EIPR1: variants seen among roughly 807,000 people sequenced by gnomAD.
The protein encoded by EIPR1 is EARP complex and GARP complex interacting protein 1, also known as EARP and GARP complex-interacting protein 1.
EIPR1 carries 25 observed loss-of-function variants against 48.1 expected under a neutral mutation model. That is an observed-to-expected ratio of 0.52 (90% confidence interval 0.38 to 0.73). The LOEUF is 0.73. Ranked by LOEUF, EIPR1 falls within the 30% of genes least tolerant of loss-of-function variation. EIPR1 has a pLI of 0.00. For missense variants in EIPR1, 415 were observed against 506.2 expected (o/e 0.82, Z 1.73); for synonymous variants, 204 against 201.9 (o/e 1.01, Z -0.09).
chr2:3,323,037 G>A (rs1387466604), intron 3 of EIPR1, among the ~76,000 whole-genome samples: 1 of 151,982 alleles, frequency 6.6e-6, no homozygotes. Flanking sequence ...CATAACCTCT[G>A]GCTCTTTCCG....
At chr2:3,259,832 G>A (rs569668750) in intron 3 of EIPR1, among the ~76,000 whole-genome samples, 1 of 152,156 alleles carries the variant, frequency 6.6e-6, no homozygotes, top group Non-Finnish European at 1.5e-5. Context: ...GAGAAAGGAT[G>A]GTCTTTTCAA....
At chr2:3,366,318 A>G (rs1670973546) in intron 1 of EIPR1, among the ~76,000 whole-genome samples, 1 of 152,214 alleles carries the variant, frequency 6.6e-6, no homozygotes, top group Admixed American at 6.5e-5. Context: ...AAGAAAAAAG[A>G]AAAGAAAAGT....
intron 3 of EIPR1, among the ~76,000 whole-genome samples, chr2:3,314,665 C>T (rs958673890): frequency 6.6e-6 from 1 of 151,916 alleles, no homozygotes; most frequent in African/African-American, 2.4e-5. Context: ...CCTCCCAATC[C>T]CCCTGGGACC....
intron 4 of EIPR1, among the ~76,000 whole-genome samples, chr2:3,225,708 C>A (rs563478490): frequency 2.4e-4 from 36 of 152,274 alleles, no homozygotes; most frequent in Admixed American, 2.2e-3. Flanking sequence ...CTATTATTAA[C>A]TACAGTTCTC....
intron 3 of EIPR1, among the ~76,000 whole-genome samples, chr2:3,303,429 C>T (rs893220014): frequency 6.6e-6 from 1 of 152,176 alleles, no homozygotes; most frequent in Non-Finnish European, 1.5e-5. Context: ...GTGCCAGGGA[C>T]CGACCACCAC....
intron 3 of EIPR1, among the ~76,000 whole-genome samples, chr2:3,291,390 T>C (rs1285809680): frequency 6.6e-6 from 1 of 152,214 alleles, no homozygotes; most frequent in Non-Finnish European, 1.5e-5. Flanking sequence ...TTCTGCAGTG[T>C]ACCCAAATCC....
intron 3 of EIPR1, among the ~76,000 whole-genome samples, chr2:3,323,061 T>C (rs1669585075): frequency 6.6e-6 from 1 of 152,086 alleles, no homozygotes; most frequent in Non-Finnish European, 1.5e-5. Flanking sequence ...ATTCAGAAAT[T>C]GGCAGATAAG....
At chr2:3,372,385 G>C (rs1213253802) in intron 1 of EIPR1, among the ~76,000 whole-genome samples, 1 of 149,732 alleles carries the variant, frequency 6.7e-6, no homozygotes, top group African/African-American at 2.4e-5. Flanking sequence ...TAAAATCAGA[G>C]CAGAACTGAA....
intron 1 of EIPR1, among the ~76,000 whole-genome samples, chr2:3,368,961 G>A (rs751978014): frequency 5.9e-5 from 9 of 151,994 alleles, no homozygotes; most frequent in East Asian, 1.9e-4. Context: ...TTCACTCAGC[G>A]GTCAACGATC....
At chr2:3,229,977 T>C (rs550350342) in intron 4 of EIPR1, among the ~76,000 whole-genome samples, 1 of 152,310 alleles carries the variant, frequency 6.6e-6, no homozygotes, top group Admixed American at 6.5e-5. Flanking sequence ...GCTGACCTTT[T>C]TGACATTTTC....
At chr2:3,347,466 C>T (rs540126563) in intron 2 of EIPR1, among the ~76,000 whole-genome samples, 9 of 152,280 alleles carry the variant, frequency 5.9e-5, no homozygotes, top group African/African-American at 1.9e-4. Flanking sequence ...CTTTGCCTGC[C>T]GCCATCCACG....
At chr2:3,346,431 A>G (rs1670405378) in intron 2 of EIPR1, among the ~76,000 whole-genome samples, 1 of 152,248 alleles carries the variant, frequency 6.6e-6, no homozygotes, top group African/African-American at 2.4e-5. Flanking sequence ...AAAAGTGAGT[A>G]TATTTGCTGC....
Position 3,365,932 on chromosome 2 carries a change from G to A in EIPR1, c.43-11299C>T, listed in dbSNP as rs566198483. Among the ~76,000 whole-genome samples the A allele has an allele frequency of 5.7e-3, 585 of 102,878 alleles. 3 individuals carry two copies. Among genetic ancestry groups the A allele is most frequent in the Admixed American group, 8.2e-3 (72 of 8,762 alleles). 67.5% of individuals were successfully genotyped at this position (102,878 alleles called of 152,430 possible). ...TCTCAGGTGGGGGAGTCAGCCCCCC[G>A]CCCGGCCAGCCGCCCAGTCCGGGAG... On this transcript the variant is annotated intron_variant, in intron 1 of 8. Transcript: ENST00000382125.
intron 3 of EIPR1, among the ~76,000 whole-genome samples, chr2:3,326,738 T>C (rs1669710011): frequency 6.6e-6 from 1 of 152,214 alleles, no homozygotes. Context: ...GTTGTCATTC[T>C]CTTACGTTTC....
intron 4 of EIPR1, among the ~76,000 whole-genome samples, chr2:3,248,810 G>C (rs1352081861): frequency 6.6e-6 from 1 of 152,106 alleles, no homozygotes; most frequent in African/African-American, 2.4e-5. Context: ...AAGAGTCTGG[G>C]ACTTCCCCAT....
At chr2:3,214,348 T>G in intron 4 of EIPR1, 100 bp from the exon 5 acceptor site, 2 of 1,086,650 alleles carry the variant, frequency 1.8e-6, no homozygotes, top group South Asian at 2.9e-5. Context: ...GCAGGAAATC[T>G]TTTCCGGCCT....
intron 1 of EIPR1, among the ~76,000 whole-genome samples, chr2:3,366,178 T>C (rs1464872249): frequency 2.6e-5 from 4 of 152,150 alleles, no homozygotes; most frequent in African/African-American, 2.4e-5. Context: ...TATGGTGGCA[T>C]GCACCTGTAA....
intron 3 of EIPR1, among the ~76,000 whole-genome samples, chr2:3,261,534 C>A (rs935315900): frequency 2.0e-5 from 3 of 152,158 alleles, no homozygotes; most frequent in Non-Finnish European, 2.9e-5. Flanking sequence ...CCAAAGGGAC[C>A]CACGGCCATT....
At chr2:3,274,426 A>G in intron 3 of EIPR1, 1 of 1,550,582 alleles carries the variant, frequency 6.4e-7, no homozygotes, top group South Asian at 1.2e-5. Flanking sequence ...AATGCTAGAA[A>G]AAAAGTCAGG....
Sources: allele counts gnomAD v4.1 joint callset (sites outside exome capture counted in the v4.1 genomes callset), GRCh38; gene constraint gnomAD v4.1.1; transcripts MANE v1.5; gene names NCBI Gene and HGNC (gene_info 2026-07-23, HGNC 2026-07-21).